Variants in CCNY observed in about 807,000 individuals in gnomAD.
The protein encoded by CCNY is cyclin-Y.
A neutral mutation model predicts 42.8 loss-of-function variants in CCNY; 19 were observed. The observed-to-expected ratio is 0.44, with a 90% CI of 0.31 to 0.65. The LOEUF (loss-of-function observed/expected upper bound fraction) is 0.65, where lower values mean the gene tolerates loss of function less well. CCNY is among the 30% of genes least tolerant of loss of function. CCNY has a pLI of 0.07. For synonymous variants in CCNY, 165 were observed against 162.7 expected, an observed-to-expected ratio of 1.01 and a Z score of -0.11; for missense variants, 370 against 437.3, an observed-to-expected ratio of 0.85 and a Z score of 1.37.
intron 1 of CCNY, among the ~76,000 whole-genome samples, chr10:35,337,420 G>A (rs544420958): frequency 3.3e-5 from 5 of 152,256 alleles, no homozygotes; most frequent in East Asian, 3.9e-4. Context: ...CGGAAACTTT[G>A]CAGGCCCGCG....
intron 3 of CCNY, among the ~76,000 whole-genome samples, chr10:35,274,242 A>T (rs1835208526): frequency 6.6e-6 from 1 of 152,106 alleles, no homozygotes; most frequent in Admixed American, 6.6e-5. Context: ...AAACCATCAG[A>T]CCTTGTGAGA....
At chr10:35,352,298 C>G (rs982652195) in intron 1 of CCNY, among the ~76,000 whole-genome samples, 1 of 152,174 alleles carries the variant, frequency 6.6e-6, no homozygotes, top group South Asian at 2.1e-4. Flanking sequence ...TTTCCTTTCT[C>G]GTTAAGCTAA....
At chr10:35,313,565 C>T (rs1020904938) in intron 3 of CCNY, among the ~76,000 whole-genome samples, 6 of 152,212 alleles carry the variant, frequency 3.9e-5, no homozygotes, top group African/African-American at 1.4e-4. Context: ...GGTGGTTCAC[C>T]TTGCTCTGGG....
intron 3 of CCNY, among the ~76,000 whole-genome samples, chr10:35,314,002 TA>T (rs1835723048): frequency 7.3e-6 from 1 of 136,544 alleles, no homozygotes; most frequent in Non-Finnish European, 1.6e-5. Flanking sequence ...AAAAAAAAAG[TA>T]AAATACTGGT....
At chr10:35,405,614 A>C (rs1343047057) in intron 1 of CCNY, among the ~76,000 whole-genome samples, 2 of 152,222 alleles carry the variant, frequency 1.3e-5, no homozygotes, top group Non-Finnish European at 2.9e-5. Context: ...CACAACAGTT[A>C]TGGAGGCAAG....
chr10:35,254,872 AAG>A (rs2095714411), intron 3 of CCNY, among the ~76,000 whole-genome samples: 1 of 151,602 alleles, frequency 6.6e-6, no homozygotes, highest in African/African-American at 2.4e-5. Flanking sequence ...AAGAAAAAAA[AAG>A]GTGTGTTGTT....
chr10:35,312,528 A>G (rs1277750097), intron 3 of CCNY, among the ~76,000 whole-genome samples: 1 of 151,756 alleles, frequency 6.6e-6, no homozygotes, highest in Non-Finnish European at 1.5e-5. Flanking sequence ...TTCCTGATCC[A>G]TGGGCTGTCT....
intron 3 of CCNY, chr10:35,321,063 C>G (rs952506460): frequency 2.7e-5 from 4 of 147,270 alleles, no homozygotes; most frequent in Non-Finnish European, 5.9e-5. Flanking sequence ...CTGTAGTGAG[C>G]TATGATTATA....
chr10:35,367,026 T>C (rs541942871), intron 1 of CCNY, among the ~76,000 whole-genome samples: 3 of 152,238 alleles, frequency 2.0e-5, no homozygotes, highest in African/African-American at 7.2e-5. Flanking sequence ...GTTGTTCTCA[T>C]ATAAAATTCC....
chr10:35,538,755 A>G (rs1447853128), intron 7 of CCNY, among the ~76,000 whole-genome samples: 1 of 152,000 alleles, frequency 6.6e-6, no homozygotes, highest in Non-Finnish European at 1.5e-5. Context: ...CTGTTTTGTC[A>G]TTTCTTTTTT....
chr10:35,387,004 G>A (rs1837313616), intron 1 of CCNY, among the ~76,000 whole-genome samples: 1 of 151,998 alleles, frequency 6.6e-6, no homozygotes, highest in Admixed American at 6.5e-5. Flanking sequence ...TCCTGCTGTT[G>A]GGCCAAAACA....
intron 1 of CCNY, among the ~76,000 whole-genome samples, chr10:35,465,344 A>T (rs1839237263): frequency 1.3e-5 from 2 of 152,016 alleles, no homozygotes; most frequent in African/African-American, 4.8e-5. Flanking sequence ...TGTTGCTCTG[A>T]TCGTCCTAGG....
At chr10:35,327,942 A>C (rs1835898599) in intron 3 of CCNY, among the ~76,000 whole-genome samples, 1 of 152,190 alleles carries the variant, frequency 6.6e-6, no homozygotes, top group Non-Finnish European at 1.5e-5. Flanking sequence ...TACCAAGTGA[A>C]GGAACGAGGC....
chr10:35,337,823 C>T (rs1020404480), intron 1 of CCNY, among the ~76,000 whole-genome samples: 3 of 151,888 alleles, frequency 2.0e-5, no homozygotes, highest in African/African-American at 7.3e-5. Context: ...TTGTCAGACA[C>T]CTTTGGGTTA....
At chr10:35,327,190 A>G (rs1040789377) in intron 3 of CCNY, among the ~76,000 whole-genome samples, 2 of 152,090 alleles carry the variant, frequency 1.3e-5, no homozygotes, top group African/African-American at 4.8e-5. Flanking sequence ...GGAACAGAGG[A>G]AAAAAAAGTC....
intron 1 of CCNY, among the ~76,000 whole-genome samples, chr10:35,465,940 T>TGAGA (rs1839257337): frequency 1.2e-5 from 1 of 86,628 alleles, no homozygotes; most frequent in Non-Finnish European, 2.5e-5. Context: ...AGAGAGAGAG[T>TGAGA]GTGTGTGTGT....
At chr10:35,398,765 C>T (rs1837580056) in intron 1 of CCNY, among the ~76,000 whole-genome samples, 1 of 152,152 alleles carries the variant, frequency 6.6e-6, no homozygotes, top group Admixed American at 6.5e-5. Flanking sequence ...AGATAAAATA[C>T]CCTTACAAGT....
At chr10:35,474,726 A>G (rs1200153119) in intron 1 of CCNY, among the ~76,000 whole-genome samples, 2 of 152,134 alleles carry the variant, frequency 1.3e-5, no homozygotes, top group Admixed American at 1.3e-4. Flanking sequence ...TGGAAACTCT[A>G]AAAATCAGAG....
chr10:35,366,890 T>G (rs1254584651), intron 1 of CCNY, among the ~76,000 whole-genome samples: 1 of 152,246 alleles, frequency 6.6e-6, no homozygotes, highest in Non-Finnish European at 1.5e-5. Context: ...GGCTAGAGTC[T>G]TCTGTATTAG....
Sources: allele counts gnomAD v4.1 joint callset (sites outside exome capture counted in the v4.1 genomes callset), GRCh38; gene constraint gnomAD v4.1.1; transcripts MANE v1.5; gene names NCBI Gene and HGNC (gene_info 2026-07-23, HGNC 2026-07-21).